ULK4: variants seen among roughly 807,000 people sequenced by gnomAD.
ULK4 encodes inactive serine/threonine-protein kinase ULK4.
Under a neutral mutation model 160.6 loss-of-function variants are expected in ULK4, and 133 were observed. The ratio of observed to expected loss-of-function variants is 0.83; its 90% CI spans 0.72 to 0.96. ULK4 has a LOEUF of 0.96. Among genes scored for constraint, ULK4 ranks in the 40% least tolerant of loss-of-function variants. ULK4 has a pLI of 0.00. For missense variants in ULK4, 1,580 were observed against 1,499.5 expected (o/e 1.05, Z -0.89); for synonymous variants, 534 against 539.8 (o/e 0.99, Z 0.15).
intron 35 of ULK4, among the ~76,000 whole-genome samples, chr3:41,349,179 T>C (rs912203260): frequency 6.6e-6 from 1 of 152,206 alleles, no homozygotes; most frequent in Non-Finnish European, 1.5e-5. Context: ...GAATTCACCA[T>C]ATGCCCCCAT....
chr3:41,352,678 C>T (rs2080934609), intron 35 of ULK4, among the ~76,000 whole-genome samples: 2 of 152,068 alleles, frequency 1.3e-5, no homozygotes, highest in South Asian at 4.2e-4. Context: ...AGGACAGTCA[C>T]TTTTTGATTT....
At chr3:41,816,185 T>C (rs993352090) in intron 19 of ULK4, among the ~76,000 whole-genome samples, 2 of 152,048 alleles carry the variant, frequency 1.3e-5, no homozygotes, top group African/African-American at 2.4e-5. Context: ...TGCCTATCAA[T>C]AGACACTGTA....
At chr3:41,892,487 T>C (rs949936619) in intron 16 of ULK4, among the ~76,000 whole-genome samples, 3 of 152,208 alleles carry the variant, frequency 2.0e-5, no homozygotes, top group Admixed American at 6.5e-5. Context: ...ATGTAGTATA[T>C]GCATACAACG....
intron 30 of ULK4, among the ~76,000 whole-genome samples, chr3:41,661,418 G>T (rs1464859804): frequency 6.6e-6 from 1 of 151,004 alleles, no homozygotes; most frequent in African/African-American, 2.4e-5. Flanking sequence ...CATGTACACA[G>T]GTATATACAC....
chr3:41,246,895 C>A lies in ULK4; in HGVS notation c.*34G>T. The A allele has an allele frequency of 6.2e-7, 1 of 1,609,100 alleles. No individual in the cohort carries two copies. ...TTGCTTATGCATCCGAGGGCTGGGG[C>A]CACAGGGCGGGCTTGTGCTAAGCAC... is the stretch of plus-strand genomic sequence containing the variant. On this transcript the variant is annotated 3_prime_UTR_variant, in exon 37 of 37. Coordinates refer to ENST00000301831, the MANE Select transcript of ULK4 (RefSeq NM_017886.4).
intron 30 of ULK4, among the ~76,000 whole-genome samples, chr3:41,647,580 G>A (rs376661466): frequency 7.2e-5 from 11 of 152,184 alleles, no homozygotes; most frequent in South Asian, 2.1e-4. Context: ...GTACTGGGCC[G>A]TGTGAGGTGT....
intron 2 of ULK4, among the ~76,000 whole-genome samples, chr3:41,953,273 T>G (rs1321802494): frequency 1.9e-4 from 16 of 84,364 alleles, no homozygotes; most frequent in Non-Finnish European, 3.9e-4. Flanking sequence ...TACACATATA[T>G]ACATATATAC....
intron 32 of ULK4, among the ~76,000 whole-genome samples, chr3:41,534,815 A>G (rs2086441562): frequency 6.6e-6 from 1 of 152,212 alleles, no homozygotes; most frequent in Non-Finnish European, 1.5e-5. Flanking sequence ...CTCTTTGAGA[A>G]TCTGATATGG....
intron 17 of ULK4, among the ~76,000 whole-genome samples, chr3:41,850,648 T>G (rs1274609081): frequency 4.7e-5 from 1 of 21,416 alleles, no homozygotes; most frequent in Non-Finnish European, 7.8e-5. Context: ...TGCCCACTTT[T>G]TGATGGGGTT....
intron 21 of ULK4, among the ~76,000 whole-genome samples, chr3:41,759,280 C>CAAA (rs59545169): frequency 6.6e-6 from 1 of 151,770 alleles, no homozygotes; most frequent in Non-Finnish European, 1.5e-5. Flanking sequence ...AAGGAATTTA[C>CAAA]AAAAAAAGCT....
chr3:41,440,026 A>AT (rs1382772245), intron 34 of ULK4, among the ~76,000 whole-genome samples: 8 of 152,148 alleles, frequency 5.3e-5, no homozygotes, highest in African/African-American at 9.7e-5. Flanking sequence ...AATAAAATAG[A>AT]TTTTTTTGCA....
chr3:41,859,218 A>C (rs1219619783), intron 17 of ULK4: 1 of 530,106 alleles, frequency 1.9e-6, no homozygotes, highest in African/African-American at 2.0e-5. Flanking sequence ...TGTGGTGCTG[A>C]TGTTTAAGGC....
chr3:41,547,105 A>G (rs377426036), intron 32 of ULK4, among the ~76,000 whole-genome samples: 1 of 152,238 alleles, frequency 6.6e-6, no homozygotes, highest in East Asian at 1.9e-4. Flanking sequence ...GCCAATATGC[A>G]TACCTTCTCA....
At chr3:41,751,739 G>A (rs1219192183) in intron 22 of ULK4, among the ~76,000 whole-genome samples, 1 of 152,184 alleles carries the variant, frequency 6.6e-6, no homozygotes, top group Non-Finnish European at 1.5e-5. Context: ...AAGTATTTTA[G>A]ATAGCATCAT....
intron 18 of ULK4, among the ~76,000 whole-genome samples, chr3:41,831,515 T>TA (rs976480121): frequency 2.2e-5 from 3 of 133,542 alleles, no homozygotes; most frequent in African/African-American, 3.3e-5. Context: ...TTTATTGTTA[T>TA]TTTATATATA....
intron 19 of ULK4, among the ~76,000 whole-genome samples, chr3:41,804,007 G>A (rs562116636): frequency 2.0e-3 from 302 of 152,204 alleles, no homozygotes; most frequent in African/African-American, 6.9e-3. Flanking sequence ...ACCCAGTAAT[G>A]GGATGGCTGG....
At chr3:41,717,903 C>T (rs2037328305) in intron 22 of ULK4, 42 bp from the exon 23 acceptor site, 2 of 1,583,568 alleles carry the variant, frequency 1.3e-6, no homozygotes, top group African/African-American at 1.3e-5. Context: ...CATGATAAAA[C>T]ACTTGATAGC....
chr3:41,541,746 C>A (rs1029219865), intron 32 of ULK4, among the ~76,000 whole-genome samples: 7 of 152,122 alleles, frequency 4.6e-5, no homozygotes, highest in Admixed American at 1.3e-4. Flanking sequence ...ACCTTCACAT[C>A]CCTTGCAAGC....
intron 35 of ULK4, among the ~76,000 whole-genome samples, chr3:41,340,006 A>G (rs1242417426): frequency 6.6e-6 from 1 of 152,240 alleles, no homozygotes; most frequent in Non-Finnish European, 1.5e-5. Flanking sequence ...GGAAATGAAA[A>G]AGGAAAATGT....
Sources: gnomAD v4.1 joint callset for allele counts (sites outside exome capture counted in the v4.1 genomes callset) on GRCh38, gnomAD v4.1.1 for gene constraint, MANE v1.5 for transcripts, NCBI Gene and HGNC (gene_info 2026-07-23, HGNC 2026-07-21) for gene names.